Variants in KCNH8 observed in about 807,000 individuals in gnomAD.
The protein encoded by KCNH8 is voltage-gated delayed rectifier potassium channel KCNH8.
A neutral mutation model predicts 103.6 loss-of-function variants in KCNH8; 70 were observed. The observed-to-expected ratio is 0.68, with a 90% CI of 0.56 to 0.82. KCNH8 has a LOEUF of 0.82. Ranked by LOEUF, KCNH8 falls within the 40% of genes least tolerant of loss-of-function variation. The pLI, the probability that KCNH8 is intolerant of heterozygous loss-of-function variation, is 0.00. For synonymous variants in KCNH8, 498 were observed against 489.4 expected (o/e 1.02, Z -0.23); for missense variants, 1,217 against 1,329.9 (o/e 0.92, Z 1.32).
chr3:19,246,555 G>A (rs1346245794), intron 1 of KCNH8, among the ~76,000 whole-genome samples: 3 of 151,984 alleles, frequency 2.0e-5, no homozygotes, highest in Non-Finnish European at 2.9e-5. Flanking sequence ...GATTACAGGC[G>A]TGAGTCACCA....
At chr3:19,448,908 G>C in intron 8 of KCNH8, 1 of 1,106,002 alleles carries the variant, frequency 9.0e-7, no homozygotes, top group Non-Finnish European at 1.2e-6. Flanking sequence ...GAACGTGCTT[G>C]ACCCTCATCT....
chr3:19,284,330 A>G (rs1042279867), intron 3 of KCNH8, among the ~76,000 whole-genome samples: 14 of 151,970 alleles, frequency 9.2e-5, no homozygotes, highest in Non-Finnish European at 1.8e-4. Flanking sequence ...TACTTTAATC[A>G]TTTTTCTATG....
chr3:19,199,529 C>CATTA (rs35566875), intron 1 of KCNH8, among the ~76,000 whole-genome samples: 6,595 of 150,778 alleles, frequency 0.044, 503 homozygotes, highest in African/African-American at 0.15. Context: ...GTACTTTGAT[C>CATTA]ATTGCTAGAA....
At position 19,485,314 on chromosome 3, in the gene KCNH8, T is replaced by G. The variant is rs548093718; in HGVS notation, c.2041-25049T>G. Among the ~76,000 whole-genome samples, 39 of 152,320 alleles carry G rather than the reference T, an allele frequency of 2.6e-4. No homozygotes were observed. In the South Asian group the frequency reaches 7.2e-3, roughly 28 times the overall value. ...AGCAAATACTTGTTACCTCCACATT[T>G]TGGCATTTCTGTGAAATTTACCTGA... is the stretch of plus-strand genomic sequence containing the variant. On this transcript the variant is annotated intron_variant, in intron 11 of 15. Transcript: ENST00000328405.
chr3:19,355,666 A>G (rs772029176), intron 5 of KCNH8, among the ~76,000 whole-genome samples: 1 of 152,112 alleles, frequency 6.6e-6, no homozygotes, highest in Non-Finnish European at 1.5e-5. Context: ...TCTCACTCGT[A>G]GGTGGCAATT....
chr3:19,393,247 C>T (rs2066465969), intron 6 of KCNH8, among the ~76,000 whole-genome samples: 1 of 152,044 alleles, frequency 6.6e-6, no homozygotes, highest in African/African-American at 2.4e-5. Context: ...GCTTCTTTCT[C>T]CTGTCATTCT....
chr3:19,226,132 T>C (rs1289141997), intron 1 of KCNH8, among the ~76,000 whole-genome samples: 1 of 152,224 alleles, frequency 6.6e-6, no homozygotes, highest in African/African-American at 2.4e-5. Flanking sequence ...AAGGCATAAT[T>C]TGAAAAATAT....
At chr3:19,201,231 CAAAAAAAAAAAAAAA>C (rs1170312203) in intron 1 of KCNH8, among the ~76,000 whole-genome samples, 2 of 22,054 alleles carry the variant, frequency 9.1e-5, no homozygotes, top group South Asian at 7.5e-3. Flanking sequence ...GACTCTGCCT[CAAAAAAAAAAAAAAA>C]AAAAAAAAAA....
chr3:19,376,138 G>C (rs890689209), intron 5 of KCNH8, among the ~76,000 whole-genome samples: 4 of 151,160 alleles, frequency 2.6e-5, no homozygotes, highest in Admixed American at 6.6e-5. Context: ...CAGTTCGAGC[G>C]TCCAGGCTGC....
chr3:19,198,154 G>A (rs1228172643), intron 1 of KCNH8, among the ~76,000 whole-genome samples: 2 of 152,108 alleles, frequency 1.3e-5, no homozygotes, highest in Non-Finnish European at 2.9e-5. Flanking sequence ...GATTCATAAT[G>A]GACAAATAAC....
intron 2 of KCNH8, among the ~76,000 whole-genome samples, chr3:19,268,235 C>T (rs1216315123): frequency 3.9e-5 from 6 of 152,006 alleles, no homozygotes; most frequent in African/African-American, 9.7e-5. Flanking sequence ...TTGCAGGCTC[C>T]TATGGTAGAG....
intron 2 of KCNH8, among the ~76,000 whole-genome samples, chr3:19,276,521 A>G (rs1341178435): frequency 6.6e-6 from 1 of 152,080 alleles, no homozygotes; most frequent in African/African-American, 2.4e-5. Context: ...ACTTTGACCT[A>G]TTGTGTTATA....
chr3:19,209,793 G>A (rs928474938), intron 1 of KCNH8, among the ~76,000 whole-genome samples: 3 of 152,076 alleles, frequency 2.0e-5, no homozygotes, highest in Non-Finnish European at 2.9e-5. Context: ...AGAGAATTCA[G>A]ACAGGATTCA....
intron 2 of KCNH8, 121 bp from the exon 3 acceptor site, chr3:19,281,077 G>T (rs2064750433): frequency 5.3e-6 from 5 of 942,914 alleles, no homozygotes; most frequent in Admixed American, 2.7e-5. Flanking sequence ...TTTTTAAGAT[G>T]GAGGGAGTTG....
intron 1 of KCNH8, among the ~76,000 whole-genome samples, chr3:19,240,808 A>G (rs2064130628): frequency 6.6e-6 from 1 of 151,082 alleles, no homozygotes; most frequent in South Asian, 2.1e-4. Flanking sequence ...AAGCATTGAC[A>G]TCATTCTTGA....
chr3:19,434,676 G>C (rs932094154), intron 7 of KCNH8, among the ~76,000 whole-genome samples: 7 of 152,132 alleles, frequency 4.6e-5, no homozygotes, highest in South Asian at 2.1e-4. Flanking sequence ...ATTGTGGAGA[G>C]GGGGGAAACA....
intron 1 of KCNH8, among the ~76,000 whole-genome samples, chr3:19,152,628 G>A (rs2063141584): frequency 6.6e-6 from 1 of 152,124 alleles, no homozygotes; most frequent in Admixed American, 6.5e-5. Context: ...TGTTTGAAAT[G>A]GTCCAAAGAA....
At chr3:19,218,138 C>A (rs1256551812) in intron 1 of KCNH8, among the ~76,000 whole-genome samples, 3 of 152,156 alleles carry the variant, frequency 2.0e-5, no homozygotes, top group African/African-American at 7.2e-5. Flanking sequence ...GACCTATGTA[C>A]TGAGACCAGG....
At chr3:19,417,601 C>T (rs748343323) in intron 7 of KCNH8, among the ~76,000 whole-genome samples, 40 of 151,810 alleles carry the variant, frequency 2.6e-4, no homozygotes, top group Non-Finnish European at 5.2e-4. Flanking sequence ...CAGAATTTTT[C>T]GGTTACCAGG....
Sources: allele counts gnomAD v4.1 joint callset (sites outside exome capture counted in the v4.1 genomes callset), GRCh38; gene constraint gnomAD v4.1.1; transcripts MANE v1.5; gene names NCBI Gene and HGNC (gene_info 2026-07-23, HGNC 2026-07-21).